The following PARPBP variants were observed in gnomAD, a reference collection of about 807,000 sequenced individuals.
PARPBP encodes the protein PARP1 binding protein, also known as PCNA-interacting partner.
A neutral mutation model predicts 50.0 loss-of-function variants in PARPBP; 52 were observed. The observed-to-expected ratio is 1.04, with a 90% CI of 0.83 to 1.31. PARPBP has a LOEUF of 1.31. Among genes scored for constraint, PARPBP ranks in the 50% most tolerant of loss-of-function variants. The probability of loss-of-function intolerance (pLI) is 0.00; values close to 1 mark genes in which losing one functional copy is unlikely to be tolerated. For synonymous variants in PARPBP, 244 were observed against 232.1 expected (o/e 1.05, Z -0.47); for missense variants, 697 against 672.0 (o/e 1.04, Z -0.41).
At chr12:102,137,244 C>T (rs570764086) in intron 2 of PARPBP, among the ~76,000 whole-genome samples, 6 of 152,200 alleles carry the variant, frequency 3.9e-5, no homozygotes, top group East Asian at 3.9e-4. Context: ...TGAACCACCA[C>T]GTAAGTTTTT....
In PARPBP at chr12:102,146,975, C is replaced by T. The variant is rs200317532; in HGVS notation, c.154-1255C>T. Among the ~76,000 whole-genome samples, 59 of 152,106 alleles carry T rather than the reference C, an allele frequency of 3.9e-4. No homozygotes were observed. In the East Asian group the frequency reaches 8.9e-3, roughly 23 times the overall value. On this transcript the variant is annotated intron_variant, in intron 2 of 10. Coordinates refer to ENST00000327680, the MANE Select transcript of PARPBP (RefSeq NM_017915.5). ...AAAAAACACATGAAAAAATGCTCAC[C>T]GTCACTGGCCATCAGAGAAATGCAA...
rs181022478 is a variant in PARPBP at position 102,130,207 on chromosome 12, C to T, written c.153+6166C>T. ...CTAACCATGTGCAGAAGATTGAAAC[C>T]GGACCTCTTCCTTAAACTACATACA... On this transcript the variant is annotated intron_variant, in intron 2 of 10. Transcript: ENST00000327680. Among the ~76,000 whole-genome samples, 245 of 152,224 alleles carry T rather than the reference C, an allele frequency of 1.6e-3. 1 individual carries two copies. The highest frequency in any genetic ancestry group is 3.0e-3 in the Non-Finnish European group (203 of 67,998).
At chr12:102,179,821 T>C (rs76360695) in intron 8 of PARPBP, among the ~76,000 whole-genome samples, 1 of 152,328 alleles carries the variant, frequency 6.6e-6, no homozygotes, top group Non-Finnish European at 1.5e-5. Context: ...TAATTGGACA[T>C]TCACTTTGAG....
intron 2 of PARPBP, among the ~76,000 whole-genome samples, chr12:102,127,479 G>T (rs1295484777): frequency 6.6e-6 from 1 of 151,890 alleles, no homozygotes; most frequent in Non-Finnish European, 1.5e-5. Context: ...CATATTAGAT[G>T]TCAGAGTTTA....
Position 102,175,476 on chromosome 12 carries a change from T to G in PARPBP, c.822-7T>G. 5 of 1,603,836 alleles carry G rather than the reference T, an allele frequency of 3.1e-6. No individual in the cohort carries two copies. Among genetic ancestry groups the G allele is most frequent in the Non-Finnish European group, 4.3e-6 (5 of 1,172,422 alleles). Reference sequence around the variant, plus strand: ...TGCTATAGAGGCAATCTAATTTCTATTTTCAGCATTGCAGGGGGTCAAATA... The same window carrying G: ...TGCTATAGAGGCAATCTAATTTCTAGTTTCAGCATTGCAGGGGGTCAAATA... On this transcript the variant is annotated splice_polypyrimidine_tract_variant and splice_region_variant and intron_variant, in intron 6 of 10. Coordinates refer to ENST00000327680, the MANE Select transcript of PARPBP (RefSeq NM_017915.5).
chr12:102,165,615 G>A (rs113272307), intron 5 of PARPBP, 114 bp from the exon 6 acceptor site: 10 of 769,174 alleles, frequency 1.3e-5, no homozygotes, highest in African/African-American at 5.5e-5. Flanking sequence ...GCCATAAAAT[G>A]TGCTTCACTT....
intron 9 of PARPBP, among the ~76,000 whole-genome samples, chr12:102,183,906 C>G (rs1428531296): frequency 6.6e-6 from 1 of 151,758 alleles, no homozygotes; most frequent in African/African-American, 2.4e-5. Flanking sequence ...GAAACCCTGT[C>G]TCTACTGAAA....
intron 2 of PARPBP, among the ~76,000 whole-genome samples, chr12:102,139,808 C>A (rs1385187433): frequency 6.6e-6 from 1 of 152,158 alleles, no homozygotes; most frequent in Non-Finnish European, 1.5e-5. Flanking sequence ...TATGTTGAAC[C>A]AGGCTTTCAT....
chr12:102,135,858 A>C lies in PARPBP; in HGVS notation c.153+11817A>C, dbSNP rs73185936. ...GGGGTGGAGTGATCTTAATTATTTC[A>C]GTATCTTCTAGTTTTACCTACAAGT... On this transcript the variant is annotated intron_variant, in intron 2 of 10. Transcript: ENST00000327680. Among the ~76,000 whole-genome samples the C allele has an allele frequency of 5.3e-3, 800 of 152,282 alleles. 4 individuals carry two copies. Among genetic ancestry groups the C allele is most frequent in the South Asian group, 0.013 (61 of 4,826 alleles).
intron 1 of PARPBP, among the ~76,000 whole-genome samples, chr12:102,121,567 T>C (rs2136898331): frequency 6.9e-6 from 1 of 145,590 alleles, no homozygotes; most frequent in African/African-American, 2.6e-5. Context: ...TTTTTTTTTT[T>C]TTTTAAGACA....
intron 2 of PARPBP, among the ~76,000 whole-genome samples, chr12:102,139,599 G>A (rs1304345308): frequency 3.9e-5 from 6 of 152,178 alleles, no homozygotes; most frequent in African/African-American, 7.2e-5. Flanking sequence ...TGCCCATTCA[G>A]TATGATATTG....
At chr12:102,143,427 C>T (rs557549948) in intron 2 of PARPBP, among the ~76,000 whole-genome samples, 8 of 152,344 alleles carry the variant, frequency 5.3e-5, no homozygotes, top group South Asian at 2.1e-4. Flanking sequence ...CGACCCCTTG[C>T]GCTTCCCGGG....
At chr12:102,123,039 A>G (rs1443852694) in intron 1 of PARPBP, among the ~76,000 whole-genome samples, 1 of 152,180 alleles carries the variant, frequency 6.6e-6, no homozygotes, top group Non-Finnish European at 1.5e-5. Context: ...TAGTGGTCAT[A>G]CAGGACACAA....
intron 2 of PARPBP, among the ~76,000 whole-genome samples, chr12:102,136,412 T>G (rs1183248035): frequency 6.6e-6 from 1 of 152,232 alleles, no homozygotes; most frequent in Non-Finnish European, 1.5e-5. Flanking sequence ...ATTTATGACT[T>G]ACTTTTAAAG....
chr12:102,177,586 CTTAGT>C (rs1889403813), intron 7 of PARPBP, among the ~76,000 whole-genome samples: 1 of 152,032 alleles, frequency 6.6e-6, no homozygotes. Context: ...TTACTACTAT[CTTAGT>C]TCAGAACTCT....
chr12:102,167,206 C>T (rs1338576087), intron 6 of PARPBP, among the ~76,000 whole-genome samples: 1 of 152,006 alleles, frequency 6.6e-6, no homozygotes, highest in Non-Finnish European at 1.5e-5. Context: ...AATTGGTAAA[C>T]CCCTTATTTT....
chr12:102,168,343 C>T (rs1594578734), intron 6 of PARPBP, among the ~76,000 whole-genome samples: 1 of 152,194 alleles, frequency 6.6e-6, no homozygotes, highest in Middle Eastern at 3.4e-3. Flanking sequence ...ACTTCTTCAA[C>T]TTAGCAGCCA....
chr12:102,153,717 T>G (rs1290300520), intron 3 of PARPBP, 152 bp from the exon 4 acceptor site: 2 of 547,888 alleles, frequency 3.7e-6, no homozygotes, highest in Admixed American at 3.1e-5. Flanking sequence ...AATTACATTA[T>G]GAAGTTTAAT....
intron 2 of PARPBP, among the ~76,000 whole-genome samples, chr12:102,146,738 G>A (rs1360779876): frequency 6.6e-6 from 1 of 152,110 alleles, no homozygotes; most frequent in Non-Finnish European, 1.5e-5. Flanking sequence ...AAACTAAAGA[G>A]CTTCTGCACA....
Sources: allele counts gnomAD v4.1 joint callset (sites outside exome capture counted in the v4.1 genomes callset), GRCh38; gene constraint gnomAD v4.1.1; transcripts MANE v1.5; gene names NCBI Gene and HGNC (gene_info 2026-07-23, HGNC 2026-07-21).